The following GPC5 variants were observed in gnomAD, a reference collection of about 807,000 sequenced individuals.
GPC5 encodes the protein glypican-5.
In GPC5, 47 loss-of-function variants were observed where a neutral mutation model predicts 53.9. The observed-to-expected ratio is 0.87, with a 90% CI of 0.69 to 1.11. The LOEUF (loss-of-function observed/expected upper bound fraction) is 1.11. GPC5 is among the 50% of genes most tolerant of loss of function. GPC5 has a pLI of 0.00. For missense variants in GPC5, 748 were observed against 713.1 expected, an observed-to-expected ratio of 1.05 and a Z score of -0.56; for synonymous variants, 286 against 263.3, an observed-to-expected ratio of 1.09 and a Z score of -0.84.
chr13:91,561,672 C>G (rs1343131891), intron 2 of GPC5, among the ~76,000 whole-genome samples: 1 of 151,894 alleles, frequency 6.6e-6, no homozygotes, highest in Non-Finnish European at 1.5e-5. Flanking sequence ...ATTTCATTCA[C>G]CTGTTTGGTC....
intron 2 of GPC5, among the ~76,000 whole-genome samples, chr13:91,559,070 T>C (rs2031116515): frequency 6.6e-6 from 1 of 152,028 alleles, no homozygotes; most frequent in South Asian, 2.1e-4. Context: ...ACTAGATTGG[T>C]CTCAGGAGCC....
chr13:92,625,586 G>A (rs936105385), intron 7 of GPC5, among the ~76,000 whole-genome samples: 10 of 152,310 alleles, frequency 6.6e-5, no homozygotes, highest in African/African-American at 2.4e-4. Context: ...ATTTGCTGCT[G>A]AGCCTTCTGC....
intron 2 of GPC5, among the ~76,000 whole-genome samples, chr13:91,475,663 C>T (rs1882885345): frequency 6.6e-6 from 1 of 151,746 alleles, no homozygotes; most frequent in Admixed American, 6.6e-5. Flanking sequence ...AGAACTCTTC[C>T]TGGTGTATCC....
intron 7 of GPC5, among the ~76,000 whole-genome samples, chr13:92,461,691 C>A (rs1454974451): frequency 6.6e-6 from 1 of 152,180 alleles, no homozygotes; most frequent in African/African-American, 2.4e-5. Flanking sequence ...GAGAGCTTGC[C>A]TCCTTTCTCT....
At chr13:92,388,226 A>G (rs1594159216) in intron 7 of GPC5, among the ~76,000 whole-genome samples, 2 of 152,150 alleles carry the variant, frequency 1.3e-5, no homozygotes, top group East Asian at 1.9e-4. Flanking sequence ...TCTTGCTTGC[A>G]TTAGTGAAAA....
intron 7 of GPC5, among the ~76,000 whole-genome samples, chr13:92,525,479 T>TGTGTGTGTGTGTGTGA (rs777799898): frequency 1.4e-5 from 2 of 144,660 alleles, no homozygotes; most frequent in African/African-American, 5.2e-5. Flanking sequence ...TGTGTGTGTG[T>TGTGTGTGTGTGTGTGA]GAAACAACCA....
At chr13:92,008,359 G>A (rs1046276033) in intron 6 of GPC5, among the ~76,000 whole-genome samples, 3 of 152,082 alleles carry the variant, frequency 2.0e-5, no homozygotes, top group Non-Finnish European at 4.4e-5. Flanking sequence ...ACTGCTCCCG[G>A]CCGAAAATGT....
intron 7 of GPC5, among the ~76,000 whole-genome samples, chr13:92,596,793 T>A (rs1222861631): frequency 6.6e-6 from 1 of 152,168 alleles, no homozygotes; most frequent in Non-Finnish European, 1.5e-5. Context: ...AATTCTAAAG[T>A]CATAATATTG....
intron 7 of GPC5, among the ~76,000 whole-genome samples, chr13:92,832,957 G>T (rs550720018): frequency 2.0e-5 from 3 of 152,126 alleles, no homozygotes; most frequent in Admixed American, 6.5e-5. Flanking sequence ...GCAGTGAGCC[G>T]AGACTGCCAA....
At chr13:91,817,137 T>C (rs1236835562) in intron 5 of GPC5, among the ~76,000 whole-genome samples, 1 of 152,214 alleles carries the variant, frequency 6.6e-6, no homozygotes, top group Non-Finnish European at 1.5e-5. Context: ...ACCTAGTCCA[T>C]TTTATTTTGT....
chr13:91,912,667 T>C (rs1445816641), intron 6 of GPC5, among the ~76,000 whole-genome samples: 1 of 152,170 alleles, frequency 6.6e-6, no homozygotes, highest in Non-Finnish European at 1.5e-5. Context: ...TGGCATATTA[T>C]CCTATCATAT....
intron 7 of GPC5, among the ~76,000 whole-genome samples, chr13:92,380,834 A>G: frequency 6.6e-6 from 1 of 151,628 alleles, no homozygotes; most frequent in African/African-American, 2.4e-5. Context: ...GGTGCAGCGC[A>G]CCAGCATGGC....
chr13:92,654,671 T>C (rs1037290975), intron 7 of GPC5, among the ~76,000 whole-genome samples: 7 of 152,128 alleles, frequency 4.6e-5, no homozygotes, highest in African/African-American at 1.4e-4. Flanking sequence ...ACATGATTCA[T>C]TGAAAATAAT....
chr13:92,796,154 C>T (rs918641222), intron 7 of GPC5, among the ~76,000 whole-genome samples: 16 of 152,230 alleles, frequency 1.1e-4, no homozygotes, highest in African/African-American at 3.6e-4. Context: ...AAATGTGGCA[C>T]ATATATACCA....
chr13:92,728,001 G>A (rs529739936), intron 7 of GPC5, among the ~76,000 whole-genome samples: 4 of 151,290 alleles, frequency 2.6e-5, no homozygotes, highest in African/African-American at 7.2e-5. Context: ...TTTGTTTGCC[G>A]ACTCTTGATT....
rs530989615 is a variant in GPC5 at position 91,456,487 on chromosome 13, A to G, written c.325+7565A>G. ...GCAATAATAATCTGCAAAGTTAATA[A>G]TTTTTTTAAGATCCAAAATATATTG... On this transcript the variant is annotated intron_variant, in intron 2 of 7. Transcript: ENST00000377067. 1.4e-4 allele frequency among the ~76,000 whole-genome samples: 21 copies of G among 152,052 alleles called. No homozygotes were observed. The South Asian group carries it at 3.3e-3, about 24-fold the overall frequency.
In GPC5 at chr13:92,335,889, C is replaced by T. The variant is rs574396048; in HGVS notation, c.1561+190900C>T. ...CTCTAGGAAGTTCCAAACTTTCCAA[C>T]CTCTTCATGTCTTCTGAGCCCTCCA... On this transcript the variant is annotated intron_variant, in intron 7 of 7. Coordinates refer to ENST00000377067, the MANE Select transcript of GPC5 (RefSeq NM_004466.6). Among the ~76,000 whole-genome samples the T allele has an allele frequency of 3.9e-5, 6 of 152,296 alleles. No individual in the cohort carries two copies. The South Asian group carries it at 8.3e-4, about 21-fold the overall frequency.
intron 5 of GPC5, among the ~76,000 whole-genome samples, chr13:91,876,028 G>A (rs2039198064): frequency 6.6e-6 from 1 of 152,178 alleles, no homozygotes; most frequent in African/African-American, 2.4e-5. Context: ...ATAAGTCTCA[G>A]GAGATCTGAT....
At position 92,832,939 on chromosome 13, in the gene GPC5, C is replaced by T. The variant is rs530912176; in HGVS notation, c.1562-33343C>T. On this transcript the variant is annotated intron_variant, in intron 7 of 7. Coordinates refer to ENST00000377067, the MANE Select transcript of GPC5 (RefSeq NM_004466.6). Reference sequence around the variant, plus strand: ...AGAAGAATCACTTGAACCCAGGAGGCGGAGGTTGCAGTGAGCCGAGACTGC... The same window carrying T: ...AGAAGAATCACTTGAACCCAGGAGGTGGAGGTTGCAGTGAGCCGAGACTGC... 4.6e-5 allele frequency among the ~76,000 whole-genome samples: 7 copies of T among 152,112 alleles called. No homozygotes were observed. In the South Asian group the frequency reaches 1.0e-3, roughly 23 times the overall value.
Sources: allele counts gnomAD v4.1 joint callset (sites outside exome capture counted in the v4.1 genomes callset), GRCh38; gene constraint gnomAD v4.1.1; transcripts MANE v1.5; gene names NCBI Gene and HGNC (gene_info 2026-07-23, HGNC 2026-07-21).